SLC26A5: variants seen among roughly 807,000 people sequenced by gnomAD.
SLC26A5 encodes the protein prestin.
SLC26A5 carries 51 observed loss-of-function variants against 81.0 expected under a neutral mutation model. That is an observed-to-expected ratio of 0.63 (90% CI 0.50 to 0.80). SLC26A5 has a LOEUF of 0.80. Among genes scored for constraint, SLC26A5 ranks in the 30% least tolerant of loss-of-function variants. The pLI, the probability that SLC26A5 is intolerant of heterozygous loss-of-function variation, is 0.00. For missense variants in SLC26A5, 771 were observed against 905.8 expected (o/e 0.85, Z 1.91); for synonymous variants, 325 against 332.8 (o/e 0.98, Z 0.25).
rs1477916057 is a variant in SLC26A5, at chr7:103,390,480, C to A, written c.1260G>T (p.Met420Ile). The change falls in exon 12 of 20, where the codon ATG becomes ATT. Residue 420 changes from methionine to isoleucine, a missense_variant. Transcript: ENST00000306312. ...CAGTTGCTAATATGACCAGCAGAAT[C>A]ATTAATGAGGCCAAACAACCTGCAA... Reference protein sequence around the residue: ...TQLAGCLASLMILLVILATGF... With the variant: ...TQLAGCLASLIILLVILATGF... 1 of 1,614,152 alleles carries A rather than the reference C, an allele frequency of 6.2e-7. No individual in the cohort carries two copies. The highest frequency in any genetic ancestry group is 2.2e-5 in the East Asian group (1 of 44,884).
chr7:103,410,021 T>G (rs1442725606), intron 7 of SLC26A5, among the ~76,000 whole-genome samples: 1 of 152,194 alleles, frequency 6.6e-6, no homozygotes, highest in Non-Finnish European at 1.5e-5. Flanking sequence ...TTAGCAGTTT[T>G]TGAGAGAGAA....
intron 8 of SLC26A5, among the ~76,000 whole-genome samples, chr7:103,401,071 A>G (rs1823549871): frequency 6.6e-6 from 1 of 152,198 alleles, no homozygotes; most frequent in African/African-American, 2.4e-5. Flanking sequence ...TGTGAAATTT[A>G]AAGTAGTTTT....
chr7:103,376,911 A>ATT, intron 18 of SLC26A5, 49 bp from the exon 19 acceptor site: 1 of 1,261,374 alleles, frequency 7.9e-7, no homozygotes, highest in Non-Finnish European at 1.2e-6. Flanking sequence ...TCTGTGCCAG[A>ATT]TGAAAGTCTC....
Position 103,421,386 on chromosome 7 carries a change from C to G in SLC26A5, c.129G>C (p.Ala43=). 1 of 1,614,030 alleles carries G rather than the reference C, an allele frequency of 6.2e-7. No homozygotes were observed. The highest frequency in any genetic ancestry group is 8.5e-7 in the Non-Finnish European group (1 of 1,179,966). ...ACGTGAATGCCTGTTTCAGCTTATC[C>G]GCAATGGAATCAGGAACCTTGTCCT... ...HTKDKVPDSI[A]DKLKQAFTCT... The change falls in exon 3 of 20, where the codon GCG becomes GCC. Residue 43 remains alanine, a synonymous_variant. Coordinates refer to ENST00000306312, the MANE Select transcript of SLC26A5 (RefSeq NM_198999.3).
chr7:103,373,862 T>C (rs1260601110), downstream of SLC26A5, among the ~76,000 whole-genome samples: 2 of 152,238 alleles, frequency 1.3e-5, no homozygotes, highest in Non-Finnish European at 2.9e-5. Context: ...ATATGTTTTA[T>C]GTTCTTATTT....
chr7:103,442,281 G>C (rs1188413502), intron 2 of SLC26A5, among the ~76,000 whole-genome samples: 1 of 152,090 alleles, frequency 6.6e-6, no homozygotes, highest in Non-Finnish European at 1.5e-5. Flanking sequence ...GGGATTACAG[G>C]CATGTGCCAC....
chr7:103,369,351 G>A (rs193200807), downstream of SLC26A5: 3 of 152,186 alleles, frequency 2.0e-5, no homozygotes, highest in Non-Finnish European at 2.9e-5. Flanking sequence ...GAAGATGTAT[G>A]TTTTTGAATG....
intron 9 of SLC26A5, 103 bp downstream of exon 9, chr7:103,397,829 G>GA: frequency 1.1e-6 from 1 of 896,446 alleles, no homozygotes; most frequent in South Asian, 1.4e-5. Flanking sequence ...TTGATGTATA[G>GA]AAAAAAGATT....
chr7:103,396,725 CAAGGTGAAA>C (rs1823140542), intron 9 of SLC26A5, among the ~76,000 whole-genome samples: 1 of 152,056 alleles, frequency 6.6e-6, no homozygotes, highest in South Asian at 2.1e-4. Context: ...TACAGATTTG[CAAGGTGAAA>C]AAGTCCTGGA....
Position 103,378,524 on chromosome 7 carries a change from T to C in SLC26A5, c.1707A>G (p.Gly569=), listed in dbSNP as rs1178276410. 1 of 1,614,122 alleles carries C rather than the reference T, an allele frequency of 6.2e-7. No individual in the cohort carries two copies. Among genetic ancestry groups the C allele is most frequent in the Admixed American group, 1.7e-5 (1 of 60,010 alleles). ...ACTTCCGCATGGCCTTTCTCCTTGC[T>C]CCCATGATGACTGCTGGGTTCACTC... ...KTGVNPAVIM[G]ARRKAMRKYA... is the part of the protein sequence containing the mutation. Residue 569 remains glycine (G), a synonymous_variant, in exon 17 of 20, where the codon GGA becomes GGG. Transcript: ENST00000306312.
chr7:103,438,229 G>A (rs1420954341), intron 2 of SLC26A5, among the ~76,000 whole-genome samples: 1 of 152,064 alleles, frequency 6.6e-6, no homozygotes, highest in Non-Finnish European at 1.5e-5. Context: ...AACCAGGTAA[G>A]TAAGCAGGTT....
At position 103,390,457 on chromosome 7, in the gene SLC26A5, G is replaced by A. The variant is rs1185248290; in HGVS notation, c.1283C>T (p.Thr428Ile). The part of the protein sequence containing the change: ...SLMILLVILA[T>I]GFLFESLPQA... ...GGGCAATGATTCAAAGAGGAATCCA[G>A]TTGCTAATATGACCAGCAGAATCAT... Residue 428 changes from threonine to isoleucine, a missense_variant, in exon 12 of 20, where the codon ACT becomes ATT. Coordinates refer to ENST00000306312, the MANE Select transcript of SLC26A5 (RefSeq NM_198999.3). 1 of 1,614,154 alleles carries A rather than the reference G, an allele frequency of 6.2e-7. No individual in the cohort carries two copies. Among genetic ancestry groups the A allele is most frequent in the Non-Finnish European group, 8.5e-7 (1 of 1,180,012 alleles).
chr7:103,396,820 C>T (rs901086560), intron 9 of SLC26A5, among the ~76,000 whole-genome samples: 52 of 152,156 alleles, frequency 3.4e-4, no homozygotes, highest in Admixed American at 6.5e-5. Flanking sequence ...ATTTGCTGGG[C>T]GTGGTGGCTC....
intron 2 of SLC26A5, among the ~76,000 whole-genome samples, chr7:103,429,953 A>G (rs1825948551): frequency 1.3e-5 from 2 of 152,258 alleles, no homozygotes; most frequent in African/African-American, 2.4e-5. Context: ...AGAGGCAAAA[A>G]CAATACTTAT....
At chr7:103,358,827 A>G (rs1050156527) in intron 19 of SLC26A5, among the ~76,000 whole-genome samples, 3 of 152,162 alleles carry the variant, frequency 2.0e-5, no homozygotes, top group Non-Finnish European at 4.4e-5. Context: ...TAGATTTTTC[A>G]TAACAGACAG....
chr7:103,429,365 T>C (rs1825907910), intron 2 of SLC26A5, among the ~76,000 whole-genome samples: 1 of 152,256 alleles, frequency 6.6e-6, no homozygotes, highest in Non-Finnish European at 1.5e-5. Flanking sequence ...TTACTACGTC[T>C]TTCACATGAC....
intron 19 of SLC26A5, among the ~76,000 whole-genome samples, chr7:103,359,012 C>G (rs544611417): frequency 7.5e-4 from 112 of 148,936 alleles, no homozygotes; most frequent in Non-Finnish European, 1.3e-3. Context: ...GAGACAAGGT[C>G]TCACTTTGTT....
At chr7:103,412,257 C>G (rs1035708228) in intron 5 of SLC26A5, among the ~76,000 whole-genome samples, 8 of 152,122 alleles carry the variant, frequency 5.3e-5, no homozygotes, top group African/African-American at 1.9e-4. Context: ...TTATGCAGCA[C>G]CAGAACTATT....
intron 14 of SLC26A5, among the ~76,000 whole-genome samples, chr7:103,381,033 CCATA>C (rs1448826511): frequency 6.6e-6 from 1 of 150,930 alleles, no homozygotes; most frequent in Non-Finnish European, 1.5e-5. Flanking sequence ...TGCACACACA[CCATA>C]CATACATACC....
Sources: gnomAD v4.1 joint callset for allele counts (sites outside exome capture counted in the v4.1 genomes callset) on GRCh38, gnomAD v4.1.1 for gene constraint, MANE v1.5 for transcripts, NCBI Gene and HGNC (gene_info 2026-07-23, HGNC 2026-07-21) for gene names.